CHRNA7: variants seen among roughly 807,000 people sequenced by gnomAD.
The protein encoded by CHRNA7 is neuronal acetylcholine receptor subunit alpha-7.
A neutral mutation model predicts 48.0 loss-of-function variants in CHRNA7; 17 were observed. That is an observed-to-expected ratio of 0.35 (90% CI 0.24 to 0.53). The LOEUF (loss-of-function observed/expected upper bound fraction) is 0.53. CHRNA7 is among the 20% of genes least tolerant of loss of function. The pLI is 0.92. For synonymous variants in CHRNA7, 75 were observed against 242.3 expected (o/e 0.31, Z 6.41); for missense variants, 155 against 577.7 (o/e 0.27, Z 7.50).
At position 32,126,139 on chromosome 15, in the gene CHRNA7, C is replaced by T. The variant is rs190600589; in HGVS notation, c.350+14240C>T. 4.7e-4 allele frequency among the ~76,000 whole-genome samples: 71 copies of T among 152,278 alleles called. 1 individual carries two copies. The Middle Eastern group carries it at 0.01, about 22-fold the overall frequency. On this transcript the variant is annotated intron_variant, in intron 4 of 9. Transcript: ENST00000306901. Reference sequence around the variant, plus strand: ...ACTTTAGTGAATCACTACAGAATTACTTATGCATTTTGTAGTTAATAGGCA... The same window carrying T: ...ACTTTAGTGAATCACTACAGAATTATTTATGCATTTTGTAGTTAATAGGCA...
chr15:32,038,195 T>C (rs1332000131), intron 2 of CHRNA7, among the ~76,000 whole-genome samples: 2 of 148,364 alleles, frequency 1.3e-5, no homozygotes, highest in Non-Finnish European at 3.0e-5. Flanking sequence ...ATTTTGTATA[T>C]ATAATATACA....
chr15:32,091,950 A>T (rs925836641), intron 2 of CHRNA7, among the ~76,000 whole-genome samples: 3 of 52,484 alleles, frequency 5.7e-5, no homozygotes, highest in Admixed American at 5.7e-4. Flanking sequence ...TATTAACATT[A>T]TAGAGTCTCC....
intron 2 of CHRNA7, among the ~76,000 whole-genome samples, chr15:32,074,663 A>C (rs1311153555): frequency 6.7e-6 from 1 of 148,682 alleles, no homozygotes; most frequent in South Asian, 2.1e-4. Flanking sequence ...TATTATTATT[A>C]TTATTTTTGA....
chr15:32,135,430 G>C (rs2051237093), intron 4 of CHRNA7, among the ~76,000 whole-genome samples: 1 of 152,154 alleles, frequency 6.6e-6, no homozygotes, highest in Non-Finnish European at 1.5e-5. Context: ...ATTCTAAATG[G>C]ACACAGAACT....
intron 2 of CHRNA7, among the ~76,000 whole-genome samples, chr15:32,071,466 G>A (rs976387883): frequency 6.6e-6 from 1 of 152,114 alleles, no homozygotes; most frequent in African/African-American, 2.4e-5. Flanking sequence ...TACAAGTCAA[G>A]TACACACTTC....
chr15:32,090,832 T>A (rs2050371556), intron 2 of CHRNA7, among the ~76,000 whole-genome samples: 1 of 152,210 alleles, frequency 6.6e-6, no homozygotes, highest in Admixed American at 6.5e-5. Context: ...CAGCCATTAT[T>A]TCTTTAACCT....
chr15:32,072,683 G>A (rs905669129), intron 2 of CHRNA7, among the ~76,000 whole-genome samples: 6 of 152,198 alleles, frequency 3.9e-5, no homozygotes, highest in Admixed American at 6.5e-5. Flanking sequence ...CACTGCATCC[G>A]TGATCCTGGA....
chr15:32,123,222 G>A (rs184373292), intron 4 of CHRNA7, among the ~76,000 whole-genome samples: 7 of 152,330 alleles, frequency 4.6e-5, no homozygotes, highest in African/African-American at 1.7e-4. Flanking sequence ...AGTAGAAGAA[G>A]TAACAGCAGA....
chr15:32,150,421 C>G (rs909370927), intron 4 of CHRNA7, among the ~76,000 whole-genome samples: 1 of 152,136 alleles, frequency 6.6e-6, no homozygotes, highest in African/African-American at 2.4e-5. Context: ...CATCCCACGT[C>G]TGGTGCGGGT....
chr15:32,037,435 T>C (rs1443668475), intron 2 of CHRNA7, among the ~76,000 whole-genome samples: 1 of 152,200 alleles, frequency 6.6e-6, no homozygotes, highest in East Asian at 1.9e-4. Flanking sequence ...CTATAAACTT[T>C]ATAATTGCTT....
intron 2 of CHRNA7, chr15:32,099,053 T>C (rs1329687882): frequency 2.0e-5 from 3 of 152,260 alleles, no homozygotes; most frequent in Non-Finnish European, 4.4e-5. Context: ...TAGCAATGGC[T>C]TGTGCACTTC....
At chr15:32,144,802 A>T (rs543330104) in intron 4 of CHRNA7, among the ~76,000 whole-genome samples, 1 of 152,276 alleles carries the variant, frequency 6.6e-6, no homozygotes, top group African/African-American at 2.4e-5. Context: ...TATTCATTCT[A>T]GTTAGCCATT....
At position 32,118,989 on chromosome 15, in the gene CHRNA7, C is replaced by CA. The variant is rs66493443; in HGVS notation, c.350+7106dup. On this transcript the variant is annotated intron_variant, in intron 4 of 9. Coordinates refer to ENST00000306901, the MANE Select transcript of CHRNA7 (RefSeq NM_000746.6). ...AAGGCTTGTGAAAGACTTCGAAATGCAAAAAAAAAAAAAAAATAGTGAGGG... is the reference window on the plus strand; with the variant it reads ...AAGGCTTGTGAAAGACTTCGAAATGCAAAAAAAAAAAAAAAAATAGTGAGGG... Among the ~76,000 whole-genome samples the CA allele has an allele frequency of 6.0e-3, 799 of 132,968 alleles. 12 individuals carry two copies. Among genetic ancestry groups the CA allele is most frequent in the African/African-American group, 0.021 (724 of 34,370 alleles). 87.2% of individuals were successfully genotyped at this position (132,968 alleles called of 152,430 possible).
intron 2 of CHRNA7, among the ~76,000 whole-genome samples, chr15:32,074,846 A>C (rs933172424): frequency 1.3e-5 from 2 of 151,816 alleles, no homozygotes; most frequent in Admixed American, 6.6e-5. Context: ...ATGAGGTTTC[A>C]CCATGTCGGC....
At chr15:32,127,789 C>A (rs1288577623) in intron 4 of CHRNA7, among the ~76,000 whole-genome samples, 1 of 152,002 alleles carries the variant, frequency 6.6e-6, no homozygotes, top group East Asian at 1.9e-4. Context: ...CAGGGTCTTT[C>A]ACAGAGTAAA....
At chr15:32,134,799 A>G (rs143800527) in intron 4 of CHRNA7, among the ~76,000 whole-genome samples, 37 of 152,364 alleles carry the variant, frequency 2.4e-4, no homozygotes, top group African/African-American at 8.7e-4. Flanking sequence ...ATCAAGTAAA[A>G]TTAAGAGAGA....
At chr15:32,032,166 T>C (rs1421262308) in intron 2 of CHRNA7, among the ~76,000 whole-genome samples, 7 of 152,214 alleles carry the variant, frequency 4.6e-5, no homozygotes, top group African/African-American at 1.7e-4. Context: ...TCGCCTCAAA[T>C]GTGTTCTTCC....
chr15:32,056,746 T>G (rs538103898), intron 2 of CHRNA7, among the ~76,000 whole-genome samples: 18 of 152,346 alleles, frequency 1.2e-4, no homozygotes, highest in African/African-American at 3.6e-4. Flanking sequence ...AACATTCTGC[T>G]TATGTTTCTA....
intron 5 of CHRNA7, chr15:32,156,209 C>T (rs1211390847): frequency 7.4e-6 from 1 of 135,944 alleles, no homozygotes; most frequent in Non-Finnish European, 1.6e-5. Flanking sequence ...GCCATTATTT[C>T]GTAGAAATGG....
Sources: allele counts gnomAD v4.1 joint callset (sites outside exome capture counted in the v4.1 genomes callset), GRCh38; gene constraint gnomAD v4.1.1; transcripts MANE v1.5; gene names NCBI Gene and HGNC (gene_info 2026-07-23, HGNC 2026-07-21).